Variants in RTKN2 observed in about 807,000 individuals in gnomAD.
RTKN2 encodes rhotekin 2, also known as rhotekin-2.
RTKN2 carries 69 observed loss-of-function variants against 71.5 expected under a neutral mutation model. The observed-to-expected ratio is 0.96, with a 90% CI of 0.79 to 1.18. The LOEUF (loss-of-function observed/expected upper bound fraction) is 1.18, where lower values mean the gene tolerates loss of function less well. Among genes scored for constraint, RTKN2 ranks in the 50% most tolerant of loss-of-function variants. The pLI, the probability that RTKN2 is intolerant of heterozygous loss-of-function variation, is 0.00. For missense variants in RTKN2, 724 were observed against 719.7 expected (o/e 1.01, Z -0.07); for synonymous variants, 236 against 236.5 (o/e 1.00, Z 0.02).
intron 9 of RTKN2, among the ~76,000 whole-genome samples, chr10:62,207,600 A>G (rs985269410): frequency 6.6e-6 from 1 of 152,086 alleles, no homozygotes; most frequent in African/African-American, 2.4e-5. Context: ...GAATTTTAGG[A>G]CTGTTATTTA....
chr10:62,268,286 A>G (rs1010273819), intron 1 of RTKN2, among the ~76,000 whole-genome samples: 4 of 152,234 alleles, frequency 2.6e-5, no homozygotes, highest in Admixed American at 6.5e-5. Context: ...AGGGCAGCGG[A>G]CAGGTGCGCC....
At chr10:62,265,066 G>A (rs997413028) in intron 1 of RTKN2, among the ~76,000 whole-genome samples, 1 of 150,180 alleles carries the variant, frequency 6.7e-6, no homozygotes, top group African/African-American at 2.5e-5. Flanking sequence ...ATAGAAGCTT[G>A]GGAAATAGTA....
At position 62,197,059 on chromosome 10, in the gene RTKN2, C is replaced by A. The variant is rs1841345421; in HGVS notation, c.*849G>T. The A allele has an allele frequency of 2.0e-6, 2 of 978,294 alleles. No homozygotes were observed. The highest frequency in any genetic ancestry group is 2.4e-6 in the Non-Finnish European group (2 of 823,598). 60.6% of individuals were successfully genotyped at this position (978,294 alleles called of 1,614,324 possible). A position where few individuals can be genotyped will look rare whatever the true frequency, so the allele number is the denominator to read the frequency against. ...TCTGAAAATTATTTACCATGGCCAA[C>A]TTTTCTGATATTTTTGAATCTCTCA... On this transcript the variant is annotated 3_prime_UTR_variant, in exon 12 of 12. Transcript: ENST00000373789.
At chr10:62,228,113 G>A (rs1040136544) in intron 6 of RTKN2, among the ~76,000 whole-genome samples, 1 of 152,194 alleles carries the variant, frequency 6.6e-6, no homozygotes, top group Admixed American at 6.5e-5. Context: ...GGAGTTAGAA[G>A]AGAAATAGGT....
intron 1 of RTKN2, among the ~76,000 whole-genome samples, chr10:62,263,916 T>C (rs1233129486): frequency 6.6e-6 from 1 of 152,188 alleles, no homozygotes; most frequent in African/African-American, 2.4e-5. Flanking sequence ...ACACGCAACA[T>C]TAAAATTCTA....
downstream of RTKN2, among the ~76,000 whole-genome samples, chr10:62,189,823 T>C (rs1376035347): frequency 1.3e-5 from 2 of 151,360 alleles, no homozygotes; most frequent in Non-Finnish European, 2.9e-5. Context: ...AGATTTTTTT[T>C]TTTTCTTAAA....
At chr10:62,266,393 T>C (rs1842869108) in intron 1 of RTKN2, among the ~76,000 whole-genome samples, 1 of 152,172 alleles carries the variant, frequency 6.6e-6, no homozygotes, top group Non-Finnish European at 1.5e-5. Context: ...ATGGATATAG[T>C]TAAGCCATGT....
chr10:62,195,929 CTT>C lies in RTKN2; in HGVS notation c.*1977_*1978del. 1.0e-6 allele frequency: 1 copy of C among 985,198 alleles called. No individual in the cohort carries two copies. Among genetic ancestry groups the C allele is most frequent in the Non-Finnish European group, 1.2e-6 (1 of 829,808 alleles). 61.0% of individuals were successfully genotyped at this position (985,198 alleles called of 1,614,324 possible). A position where few individuals can be genotyped will look rare whatever the true frequency, so the allele number is the denominator to read the frequency against. On this transcript the variant is annotated 3_prime_UTR_variant, in exon 12 of 12. Coordinates refer to ENST00000373789, the MANE Select transcript of RTKN2 (RefSeq NM_145307.4). ...CTGCTAGGTAATTTCTGTATGAATA[CTT>C]TCTTTTTCTTATACACCTTAAGTCC...
chr10:62,234,395 T>C (rs963144840), intron 6 of RTKN2, among the ~76,000 whole-genome samples: 10 of 150,394 alleles, frequency 6.6e-5, no homozygotes, highest in African/African-American at 2.2e-4. Context: ...CCAGGCATGG[T>C]AGCATGTGCC....
At position 62,195,108 on chromosome 10, in the gene RTKN2, T is replaced by C. The variant is rs193017891; in HGVS notation, c.*2800A>G. 2.3e-4 allele frequency: 230 copies of C among 981,626 alleles called. 1 individual carries two copies. The highest frequency in any genetic ancestry group is 1.7e-3 in the Admixed American group (28 of 16,274). 60.8% of individuals were successfully genotyped at this position (981,626 alleles called of 1,614,324 possible). A position where few individuals can be genotyped will look rare whatever the true frequency, so the allele number is the denominator to read the frequency against. ...GCAATTAAAAATAATACTATCTTAATGCTGACTACGTAATTTATATCCCAG... is the reference window on the plus strand; with the variant it reads ...GCAATTAAAAATAATACTATCTTAACGCTGACTACGTAATTTATATCCCAG... On this transcript the variant is annotated 3_prime_UTR_variant, in exon 12 of 12. Coordinates refer to ENST00000373789, the MANE Select transcript of RTKN2 (RefSeq NM_145307.4).
intron 4 of RTKN2, 67 bp from the exon 5 acceptor site, chr10:62,239,832 A>T: frequency 1.3e-6 from 1 of 780,850 alleles, no homozygotes. Flanking sequence ...AATCTACTTG[A>T]AAATAAATAT....
Position 62,198,080 on chromosome 10 carries a change from T to G in RTKN2, c.1658A>C (p.Gln553Pro). The G allele has an allele frequency of 6.2e-7, 1 of 1,614,170 alleles. No homozygotes were observed. Among genetic ancestry groups the G allele is most frequent in the Non-Finnish European group, 8.5e-7 (1 of 1,179,996 alleles). Reference protein sequence around the residue: ...TKLSTLMHHLQKPMAAPRKLL... With the variant: ...TKLSTLMHHLPKPMAAPRKLL... ...TTTTCGAGGAGCAGCCATTGGTTTC[T>G]GTAAGTGATGCATTAGAGTTGATAG... Residue 553 changes from glutamine to proline, a missense_variant, in exon 12 of 12, where the codon CAG (glutamine) becomes CCG (proline). Gln to Pro is a moderately conservative substitution (Grantham distance 76). Coordinates refer to ENST00000373789, the MANE Select transcript of RTKN2 (RefSeq NM_145307.4).
At chr10:62,240,365 C>A (rs1034305419) in intron 4 of RTKN2, among the ~76,000 whole-genome samples, 4 of 152,032 alleles carry the variant, frequency 2.6e-5, no homozygotes, top group Non-Finnish European at 5.9e-5. Flanking sequence ...AAGGCTAAAT[C>A]CTCATTATTG....
chr10:62,218,794 T>C (rs1272719154), intron 7 of RTKN2, among the ~76,000 whole-genome samples: 1 of 147,862 alleles, frequency 6.8e-6, no homozygotes, highest in Non-Finnish European at 1.5e-5. Context: ...GAGATCAGCC[T>C]GGCCAATATG....
Position 62,199,851 on chromosome 10 carries a change from C to T in RTKN2, c.1197G>A (p.Lys399=). 4.4e-6 allele frequency: 7 copies of T among 1,607,970 alleles called. No homozygotes were observed. The highest frequency in any genetic ancestry group is 6.0e-6 in the Non-Finnish European group (7 of 1,174,630). The change falls in exon 11 of 12, where the codon AAG becomes AAA. Residue 399 remains lysine (K), a synonymous_variant. Transcript: ENST00000373789. ...TTTTCATAAGTTCTTCACAACAGTG[C>T]TTCCATTGGCCTAAGACAGACAGAA... The part of the protein sequence containing the change: ...WQHFFDLSQW[K]HCCEELMKIE...
intron 9 of RTKN2, among the ~76,000 whole-genome samples, chr10:62,205,476 C>T (rs1330872896): frequency 1.3e-5 from 2 of 152,054 alleles, no homozygotes; most frequent in East Asian, 3.9e-4. Flanking sequence ...AATATTCATG[C>T]ATAATATCTA....
At chr10:62,204,093 T>G (rs955929158) in intron 10 of RTKN2, among the ~76,000 whole-genome samples, 1 of 152,172 alleles carries the variant, frequency 6.6e-6, no homozygotes, top group African/African-American at 2.4e-5. Flanking sequence ...TTCTATGGAA[T>G]AGGATTCAGT....
At chr10:62,212,104 TA>T (rs543276430) in intron 9 of RTKN2, among the ~76,000 whole-genome samples, 10 of 37,316 alleles carry the variant, frequency 2.7e-4, no homozygotes, top group African/African-American at 2.7e-4. Context: ...CATCTCTACT[TA>T]AAAAAAAAAT....
In RTKN2 at chr10:62,195,220, AATTAT is replaced by A; in HGVS notation, c.*2683_*2687del. The A allele has an allele frequency of 1.0e-6, 1 of 979,432 alleles. No homozygotes were observed. The allele number at this position is 979,432 out of a possible 1,614,324, so 60.7% of individuals were successfully genotyped here. A position where few individuals can be genotyped will look rare whatever the true frequency, so the allele number is the denominator to read the frequency against. ...CATAAAATATCTATTCTGTTTCCCC[AATTAT>A]ATTATCAAGAGCTGACAGCTAACTC... On this transcript the variant is annotated 3_prime_UTR_variant, in exon 12 of 12. Coordinates refer to ENST00000373789, the MANE Select transcript of RTKN2 (RefSeq NM_145307.4).
Sources: gnomAD v4.1 joint callset for allele counts (sites outside exome capture counted in the v4.1 genomes callset) on GRCh38, gnomAD v4.1.1 for gene constraint, MANE v1.5 for transcripts, NCBI Gene and HGNC (gene_info 2026-07-23, HGNC 2026-07-21) for gene names.